KCNMA1: variants seen among roughly 807,000 people sequenced by gnomAD.
KCNMA1 encodes potassium calcium-activated channel subfamily M alpha 1.
KCNMA1 carries 29 observed loss-of-function variants against 140.0 expected under a neutral mutation model. That is an observed-to-expected ratio of 0.21 (90% CI 0.15 to 0.28). The LOEUF is 0.28. Ranked by LOEUF, KCNMA1 falls within the 10% of genes least tolerant of loss-of-function variation. The probability of loss-of-function intolerance (pLI) is 1.00; values close to 1 mark genes in which losing one functional copy is unlikely to be tolerated. For missense variants in KCNMA1, 880 were observed against 1,602.2 expected, an observed-to-expected ratio of 0.55 and a Z score of 7.70; for synonymous variants, 612 against 611.9, an observed-to-expected ratio of 1.00 and a Z score of 0.00.
intron 14 of KCNMA1, among the ~76,000 whole-genome samples, chr10:77,044,509 TGTG>T (rs980277363): frequency 2.0e-5 from 3 of 151,970 alleles, no homozygotes; most frequent in African/African-American, 7.2e-5. Context: ...ATTTGCCAAG[TGTG>T]GTAGCACACC....
rs565885646 is a variant in KCNMA1 at position 77,033,868 on chromosome 10, T to C, written c.1859+5660A>G. 8.4e-4 allele frequency among the ~76,000 whole-genome samples: 128 copies of C among 152,304 alleles called. 1 individual carries two copies. Among genetic ancestry groups the C allele is most frequent in the African/African-American group, 3.0e-3 (123 of 41,566 alleles). ...AATACTGTATTCACATCTCTATTCA[T>C]ATATGTTCAACCCTAATTACAATAC... On this transcript the variant is annotated intron_variant, in intron 15 of 27. Coordinates refer to ENST00000286628, the MANE Select transcript of KCNMA1 (RefSeq NM_001161352.2).
intron 5 of KCNMA1, among the ~76,000 whole-genome samples, chr10:77,138,632 T>C (rs2154014883): frequency 6.6e-6 from 1 of 152,090 alleles, no homozygotes; most frequent in East Asian, 1.9e-4. Context: ...TCAGATTACA[T>C]TGCTCCCTGC....
chr10:77,313,427 T>C (rs2079895584), intron 2 of KCNMA1, among the ~76,000 whole-genome samples: 1 of 152,218 alleles, frequency 6.6e-6, no homozygotes, highest in Non-Finnish European at 1.5e-5. Context: ...TTCACAGCAC[T>C]GCCAGTCTCT....
intron 2 of KCNMA1, among the ~76,000 whole-genome samples, chr10:77,339,178 G>C (rs1012853280): frequency 2.0e-5 from 3 of 148,948 alleles, no homozygotes; most frequent in African/African-American, 7.4e-5. Context: ...ATGCAATAAA[G>C]GAAAAAAAAA....
In KCNMA1 at chr10:76,919,982, T is replaced by TTGTGTGTGTG. The variant is rs1196371060; in HGVS notation, c.2903-4943_2903-4934dup. On this transcript the variant is annotated intron_variant, in intron 23 of 27. Coordinates refer to ENST00000286628, the MANE Select transcript of KCNMA1 (RefSeq NM_001161352.2). The stretch of plus-strand genomic sequence containing the variant: ...AATACTAATGAGAAGGCAATGAGCA[T>TTGTGTGTGTG]TGTGTGTGTGTGTGTGTGTGTGTGT... Among the ~76,000 whole-genome samples the TTGTGTGTGTG allele has an allele frequency of 2.2e-4, 17 of 77,606 alleles. 1 individual carries two copies. The highest frequency in any genetic ancestry group is 7.4e-4 in the African/African-American group (15 of 20,246). 50.9% of individuals were successfully genotyped at this position (77,606 alleles called of 152,430 possible).
intron 24 of KCNMA1, chr10:76,914,572 C>T (rs1207318733): frequency 2.3e-5 from 8 of 348,910 alleles, no homozygotes; most frequent in Non-Finnish European, 5.4e-6. Context: ...GCTGTCCAGA[C>T]AGAATGCTCA....
chr10:77,351,249 G>T (rs2092839817), intron 2 of KCNMA1, among the ~76,000 whole-genome samples: 1 of 152,064 alleles, frequency 6.6e-6, no homozygotes, highest in Admixed American at 6.6e-5. Flanking sequence ...AAAGGTCAAG[G>T]GACAATGAAA....
intron 25 of KCNMA1, among the ~76,000 whole-genome samples, chr10:76,907,180 T>C (rs1353324067): frequency 6.6e-6 from 1 of 152,236 alleles, no homozygotes; most frequent in Non-Finnish European, 1.5e-5. Flanking sequence ...GAAGACATGC[T>C]GCTCCCATAC....
At chr10:76,914,260 T>G in intron 24 of KCNMA1, 5 of 723,536 alleles carry the variant, frequency 6.9e-6, no homozygotes, top group East Asian at 2.7e-5. Flanking sequence ...CACAGGTAGT[T>G]TGCATTTGTC....
intron 1 of KCNMA1, among the ~76,000 whole-genome samples, chr10:77,556,641 G>A (rs2064580370): frequency 6.6e-6 from 1 of 152,046 alleles, no homozygotes; most frequent in Non-Finnish European, 1.5e-5. Flanking sequence ...TGCATCTGGT[G>A]GAAGCCAGGA....
intron 20 of KCNMA1, among the ~76,000 whole-genome samples, chr10:76,968,710 C>T (rs2074925600): frequency 6.6e-6 from 1 of 152,076 alleles, no homozygotes; most frequent in Admixed American, 6.5e-5. Flanking sequence ...ATCAGCCAAA[C>T]CCAAGGAAGG....
At chr10:76,915,090 G>T in intron 23 of KCNMA1, 41 bp from the exon 24 acceptor site, 2 of 1,476,672 alleles carry the variant, frequency 1.4e-6, no homozygotes, top group Non-Finnish European at 1.9e-6. Flanking sequence ...AATCAGAGAA[G>T]TAGAAAATTT....
Position 76,953,781 on chromosome 10 carries a change from A to ATGC in KCNMA1, c.2484+17_2484+19dup. 1 of 1,613,940 alleles carries ATGC rather than the reference A, an allele frequency of 6.2e-7. No homozygotes were observed. Among genetic ancestry groups the ATGC allele is most frequent in the Non-Finnish European group, 8.5e-7 (1 of 1,179,866 alleles). On this transcript the variant is annotated intron_variant, in intron 21 of 27. Coordinates refer to ENST00000286628, the MANE Select transcript of KCNMA1 (RefSeq NM_001161352.2). ...TTGGGGCAGAAGCGGGCAACATCAG[A>ATGC]TGCACAGTCCCTCACTCACCAGGAT...
intron 2 of KCNMA1, among the ~76,000 whole-genome samples, chr10:77,388,280 C>T (rs1193225406): frequency 6.6e-6 from 1 of 152,216 alleles, no homozygotes; most frequent in Non-Finnish European, 1.5e-5. Flanking sequence ...TGACCTTGTG[C>T]ACTTTTCTTG....
intron 1 of KCNMA1, among the ~76,000 whole-genome samples, chr10:77,448,685 A>G (rs890035024): frequency 2.0e-5 from 3 of 152,196 alleles, no homozygotes; most frequent in African/African-American, 7.2e-5. Context: ...TTTTATCAAT[A>G]GTATATTTTC....
chr10:77,625,779 T>G (rs1035582622), intron 1 of KCNMA1, among the ~76,000 whole-genome samples: 6 of 152,246 alleles, frequency 3.9e-5, no homozygotes, highest in Non-Finnish European at 1.5e-5. Flanking sequence ...CTTCCACCTT[T>G]GGCCATTGTA....
chr10:77,476,374 C>T (rs2098278471), intron 1 of KCNMA1, among the ~76,000 whole-genome samples: 1 of 152,136 alleles, frequency 6.6e-6, no homozygotes, highest in Non-Finnish European at 1.5e-5. Flanking sequence ...ACCTCCCACT[C>T]CTGTGAGCCC....
At chr10:77,196,273 T>C (rs1442688016) in intron 3 of KCNMA1, among the ~76,000 whole-genome samples, 1 of 152,196 alleles carries the variant, frequency 6.6e-6, no homozygotes, top group Non-Finnish European at 1.5e-5. Flanking sequence ...AGAAATCCTT[T>C]CATTTTATGA....
chr10:76,952,861 G>A (rs2066815218), intron 21 of KCNMA1, among the ~76,000 whole-genome samples: 1 of 152,154 alleles, frequency 6.6e-6, no homozygotes, highest in Non-Finnish European at 1.5e-5. Flanking sequence ...CTGACAAAAA[G>A]GAACAGACCC....
Sources: allele counts gnomAD v4.1 joint callset (sites outside exome capture counted in the v4.1 genomes callset), GRCh38; gene constraint gnomAD v4.1.1; transcripts MANE v1.5; gene names NCBI Gene and HGNC (gene_info 2026-07-23, HGNC 2026-07-21).